Variants in CHIA observed in about 807,000 individuals in gnomAD.
CHIA encodes acidic mammalian chitinase.
A neutral mutation model predicts 53.5 loss-of-function variants in CHIA; 47 were observed. The ratio of observed to expected loss-of-function variants is 0.88; its 90% CI spans 0.70 to 1.12. CHIA has a LOEUF of 1.12. CHIA is among the 50% of genes most tolerant of loss of function. The probability of loss-of-function intolerance (pLI) is 0.00; values close to 1 mark genes in which losing one functional copy is unlikely to be tolerated. For missense variants in CHIA, 652 were observed against 592.2 expected, an observed-to-expected ratio of 1.10 and a Z score of -1.05; for synonymous variants, 268 against 222.2, an observed-to-expected ratio of 1.21 and a Z score of -1.83.
intron 4 of CHIA, 53 bp from the exon 5 acceptor site, chr1:111,314,487 T>A: frequency 8.1e-7 from 1 of 1,231,566 alleles, no homozygotes; most frequent in Non-Finnish European, 1.2e-6. Flanking sequence ...GTATTTTAAA[T>A]GGAGGGAGTC....
Position 111,318,001 on chromosome 1 carries a change from C to T in CHIA, c.621C>T (p.Ile207=), listed in dbSNP as rs1649306248. The change falls in exon 8 of 12, where the codon ATC becomes ATT. Residue 207 remains isoleucine, a synonymous_variant. Transcript: ENST00000369740. The part of the protein sequence containing the change: ...IPQLSQYLDY[I]HVMTYDLHGS... ...CCCACCTCAGGTACCTGGACTACAT[C>T]CATGTCATGACCTACGACCTCCATG... 6.2e-7 allele frequency: 1 copy of T among 1,614,136 alleles called. No individual in the cohort carries two copies. The highest frequency in any genetic ancestry group is 8.5e-7 in the Non-Finnish European group (1 of 1,180,012).
chr1:111,297,958 A>G (rs189349489), intron 1 of CHIA, among the ~76,000 whole-genome samples: 20 of 151,312 alleles, frequency 1.3e-4, no homozygotes, highest in Non-Finnish European at 2.4e-4. Flanking sequence ...TCTCTGATGA[A>G]ACAGACTTTA....
intron 4 of CHIA, among the ~76,000 whole-genome samples, chr1:111,313,273 G>A (rs1648832417): frequency 6.6e-6 from 1 of 152,136 alleles, no homozygotes; most frequent in Admixed American, 6.5e-5. Flanking sequence ...CCCACCAACA[G>A]TGGGCAAGAG....
intron 1 of CHIA, among the ~76,000 whole-genome samples, chr1:111,301,157 T>C (rs1647690295): frequency 6.6e-6 from 1 of 152,216 alleles, no homozygotes; most frequent in South Asian, 2.1e-4. Flanking sequence ...TCAACCATTG[T>C]GGAAGACAGT....
chr1:111,293,330 T>C (rs1483966769), intron 1 of CHIA, among the ~76,000 whole-genome samples: 1 of 152,216 alleles, frequency 6.6e-6, no homozygotes, highest in Non-Finnish European at 1.5e-5. Context: ...TCCTTAATGA[T>C]TAATGGCATT....
At chr1:111,293,386 A>C (rs924326584) in intron 1 of CHIA, among the ~76,000 whole-genome samples, 2 of 152,174 alleles carry the variant, frequency 1.3e-5, no homozygotes, top group Non-Finnish European at 2.9e-5. Context: ...ATCTTCTTTG[A>C]AGAAATAGAT....
At chr1:111,308,475 C>T (rs1648401915) in intron 1 of CHIA, among the ~76,000 whole-genome samples, 1 of 152,146 alleles carries the variant, frequency 6.6e-6, no homozygotes, top group Non-Finnish European at 1.5e-5. Context: ...TTCTCATCAG[C>T]AAAATTGGTG....
At chr1:111,304,464 T>C (rs912911889) in intron 1 of CHIA, among the ~76,000 whole-genome samples, 14 of 152,190 alleles carry the variant, frequency 9.2e-5, no homozygotes, top group Admixed American at 4.6e-4. Flanking sequence ...CTTAATAATT[T>C]TCACTCTCCT....
chr1:111,294,731 G>T (rs1469121363), intron 1 of CHIA, among the ~76,000 whole-genome samples: 4 of 152,060 alleles, frequency 2.6e-5, no homozygotes, highest in Non-Finnish European at 5.9e-5. Context: ...TTTCTAGTTT[G>T]TTTTTATTAT....
At chr1:111,304,774 G>A (rs1648043880) in intron 1 of CHIA, among the ~76,000 whole-genome samples, 2 of 152,022 alleles carry the variant, frequency 1.3e-5, no homozygotes, top group African/African-American at 4.8e-5. Context: ...TCGTTTGAAT[G>A]AGCTATACTT....
At chr1:111,314,473 C>T (rs1648977627) in intron 4 of CHIA, 67 bp from the exon 5 acceptor site, 2 of 1,080,098 alleles carry the variant, frequency 1.9e-6, no homozygotes, top group Non-Finnish European at 2.9e-6. Flanking sequence ...AACACTAAAG[C>T]AATGTATTTT....
intron 1 of CHIA, among the ~76,000 whole-genome samples, chr1:111,303,765 G>C (rs1190063623): frequency 1.3e-5 from 2 of 152,146 alleles, no homozygotes; most frequent in East Asian, 3.8e-4. Flanking sequence ...AACAAAAAGT[G>C]GAGTTACAAG....
At chr1:111,299,515 A>T (rs1438194130) in intron 1 of CHIA, among the ~76,000 whole-genome samples, 1 of 152,214 alleles carries the variant, frequency 6.6e-6, no homozygotes, top group African/African-American at 2.4e-5. Flanking sequence ...AGATGCAGAA[A>T]AGGCCTTCCA....
At chr1:111,302,163 C>G (rs1409651520) in intron 1 of CHIA, among the ~76,000 whole-genome samples, 10 of 152,020 alleles carry the variant, frequency 6.6e-5, no homozygotes, top group Non-Finnish European at 2.9e-5. Context: ...CTTAGTTTAT[C>G]TAGCTAAAAG....
At chr1:111,312,151 C>T (rs749528386) in intron 3 of CHIA, 39 bp from the exon 4 acceptor site, 1 of 1,558,360 alleles carries the variant, frequency 6.4e-7, no homozygotes, top group South Asian at 1.1e-5. Flanking sequence ...TCAGTGGATC[C>T]TAAACCAGGC....
intron 6 of CHIA, chr1:111,315,679 T>A: frequency 1.8e-6 from 1 of 552,504 alleles, no homozygotes. Flanking sequence ...TCATTTCATC[T>A]TCATATTTAC....
At chr1:111,300,112 C>T (rs1157175014) in intron 1 of CHIA, among the ~76,000 whole-genome samples, 1 of 152,114 alleles carries the variant, frequency 6.6e-6, no homozygotes, top group Non-Finnish European at 1.5e-5. Context: ...ACATTCCATG[C>T]TCATGGATAG....
chr1:111,318,582 G>A lies in CHIA; in HGVS notation c.819G>A (p.Leu273=), dbSNP rs764696109. ...CTACCTATGGACACAACTTCATCCT[G>A]AGCAACCCCTCCAACACTGGAATTG... ...GFPTYGHNFI[L]SNPSNTGIGA... Residue 273 remains leucine (L), a synonymous_variant, in exon 9 of 12, where the codon CTG becomes CTA. Coordinates refer to ENST00000369740, the MANE Select transcript of CHIA (RefSeq NM_201653.4). 27 of 1,614,078 alleles carry A rather than the reference G, an allele frequency of 1.7e-5. No homozygotes were observed. Among genetic ancestry groups the A allele is most frequent in the Non-Finnish European group, 2.2e-5 (26 of 1,180,052 alleles).
intron 4 of CHIA, among the ~76,000 whole-genome samples, chr1:111,313,619 T>C (rs959349287): frequency 1.3e-5 from 2 of 152,238 alleles, no homozygotes; most frequent in Non-Finnish European, 2.9e-5. Flanking sequence ...TTCACTCTGT[T>C]TCCTTTGTCA....
Sources: allele counts gnomAD v4.1 joint callset (sites outside exome capture counted in the v4.1 genomes callset), GRCh38; gene constraint gnomAD v4.1.1; transcripts MANE v1.5; gene names NCBI Gene and HGNC (gene_info 2026-07-23, HGNC 2026-07-21).